GPC5: variants seen among roughly 807,000 people sequenced by gnomAD.
GPC5 encodes glypican-5.
A neutral mutation model predicts 53.9 loss-of-function variants in GPC5; 47 were observed. The observed-to-expected ratio is 0.87, with a 90% CI of 0.69 to 1.11. The LOEUF (loss-of-function observed/expected upper bound fraction) is 1.11. GPC5 is among the 50% of genes most tolerant of loss of function. GPC5 has a pLI of 0.00. For synonymous variants in GPC5, 286 were observed against 263.3 expected, an observed-to-expected ratio of 1.09 and a Z score of -0.84; for missense variants, 748 against 713.1, an observed-to-expected ratio of 1.05 and a Z score of -0.56.
chr13:92,008,580 G>C (rs1343013719), intron 6 of GPC5, among the ~76,000 whole-genome samples: 1 of 151,856 alleles, frequency 6.6e-6, no homozygotes, highest in African/African-American at 2.4e-5. Context: ...ATAAAGTTTA[G>C]CTGGATATAG....
chr13:92,628,260 C>CTTTTT (rs1286424637), intron 7 of GPC5, among the ~76,000 whole-genome samples: 11 of 37,562 alleles, frequency 2.9e-4, no homozygotes, highest in South Asian at 8.0e-4. Context: ...TTTTCTTTTT[C>CTTTTT]TTTCTTTTTT....
At chr13:91,457,269 G>A (rs1054137560) in intron 2 of GPC5, among the ~76,000 whole-genome samples, 1 of 151,580 alleles carries the variant, frequency 6.6e-6, no homozygotes, top group Non-Finnish European at 1.5e-5. Flanking sequence ...AGTATTTTGA[G>A]GTCTTATGGT....
intron 5 of GPC5, among the ~76,000 whole-genome samples, chr13:91,780,673 A>G (rs1185029557): frequency 1.3e-5 from 2 of 152,038 alleles, no homozygotes; most frequent in Non-Finnish European, 2.9e-5. Flanking sequence ...GTAAAGTTCA[A>G]CTCTGGGGTT....
chr13:91,592,390 G>A (rs1594302019), intron 2 of GPC5, among the ~76,000 whole-genome samples: 1 of 152,078 alleles, frequency 6.6e-6, no homozygotes, highest in African/African-American at 2.4e-5. Flanking sequence ...CCTTGTCAGA[G>A]CCCCCTGCAA....
rs1254533452 is a variant in GPC5, at chr13:91,628,949, AGAT to A, written c.326-64233_326-64231del. ...AATATACACTGGGATGCAGAGAGTTAGATGATGGGCTCAAGTGCATTTCTAGCA... is the reference window on the plus strand; with the variant it reads ...AATATACACTGGGATGCAGAGAGTTAGATGGGCTCAAGTGCATTTCTAGCA... On this transcript the variant is annotated intron_variant, in intron 2 of 7. Coordinates refer to ENST00000377067, the MANE Select transcript of GPC5 (RefSeq NM_004466.6). Among the ~76,000 whole-genome samples, 6 of 152,316 alleles carry A rather than the reference AGAT, an allele frequency of 3.9e-5. No homozygotes were observed. The East Asian group carries it at 1.2e-3, about 29-fold the overall frequency.
At chr13:92,761,659 G>C (rs1446431988) in intron 7 of GPC5, among the ~76,000 whole-genome samples, 2 of 152,084 alleles carry the variant, frequency 1.3e-5, no homozygotes, top group African/African-American at 4.8e-5. Flanking sequence ...TCTTATTTTA[G>C]TATTCATTCA....
intron 7 of GPC5, among the ~76,000 whole-genome samples, chr13:92,409,002 T>C (rs1875927273): frequency 6.6e-6 from 1 of 152,096 alleles, no homozygotes; most frequent in Non-Finnish European, 1.5e-5. Context: ...GTTTGTACAG[T>C]AAATGATGTT....
Position 92,363,491 on chromosome 13 carries a change from C to T in GPC5, c.1561+218502C>T, listed in dbSNP as rs565320444. 2.1e-4 allele frequency among the ~76,000 whole-genome samples: 32 copies of T among 151,806 alleles called. No individual in the cohort carries two copies. The South Asian group carries it at 6.0e-3, about 29-fold the overall frequency. On this transcript the variant is annotated intron_variant, in intron 7 of 7. Coordinates refer to ENST00000377067, the MANE Select transcript of GPC5 (RefSeq NM_004466.6). ...TAAGGAGTACACAACCTAGATCCCT[C>T]GCATGTACAGTTCACAATAGAGTTC...
chr13:91,622,024 A>G (rs2033874122), intron 2 of GPC5, among the ~76,000 whole-genome samples: 2 of 151,912 alleles, frequency 1.3e-5, no homozygotes, highest in African/African-American at 4.8e-5. Flanking sequence ...CAAGAGTAGG[A>G]AGCATCCAGC....
chr13:92,312,251 C>T (rs1189436815), intron 7 of GPC5, among the ~76,000 whole-genome samples: 1 of 152,084 alleles, frequency 6.6e-6, no homozygotes, highest in South Asian at 2.1e-4. Context: ...AGTTTCTTTT[C>T]ACTTTTCTCT....
intron 7 of GPC5, among the ~76,000 whole-genome samples, chr13:92,556,808 T>C (rs898313661): frequency 3.9e-5 from 6 of 151,992 alleles, no homozygotes; most frequent in African/African-American, 1.4e-4. Flanking sequence ...TCATCTTTCA[T>C]TGTATTTCAC....
chr13:92,766,188 C>T (rs1229048892), intron 7 of GPC5, among the ~76,000 whole-genome samples: 2 of 152,124 alleles, frequency 1.3e-5, no homozygotes, highest in Admixed American at 1.3e-4. Flanking sequence ...TGCACCAATG[C>T]TAAAGTTCCT....
At chr13:91,570,118 A>G (rs867297605) in intron 2 of GPC5, among the ~76,000 whole-genome samples, 3 of 152,230 alleles carry the variant, frequency 2.0e-5, no homozygotes, top group African/African-American at 7.2e-5. Flanking sequence ...TTGAAAATCT[A>G]TTGAACTATA....
intron 7 of GPC5, among the ~76,000 whole-genome samples, chr13:92,693,661 T>C (rs78600931): frequency 4.6e-5 from 7 of 152,226 alleles, no homozygotes; most frequent in Middle Eastern, 6.8e-3. Context: ...CAGTCATACA[T>C]GTTCGCAAAG....
At chr13:92,582,672 T>A (rs563321271) in intron 7 of GPC5, among the ~76,000 whole-genome samples, 1 of 152,288 alleles carries the variant, frequency 6.6e-6, no homozygotes, top group South Asian at 2.1e-4. Context: ...CTACAACTTC[T>A]TTCATCAATG....
chr13:92,047,212 G>C (rs985752182), intron 6 of GPC5, among the ~76,000 whole-genome samples: 17 of 152,106 alleles, frequency 1.1e-4, no homozygotes, highest in African/African-American at 4.1e-4. Context: ...CGGCAAGATG[G>C]TTTAGATCAT....
intron 3 of GPC5, among the ~76,000 whole-genome samples, chr13:91,705,724 A>G (rs2036086906): frequency 7.2e-6 from 1 of 138,876 alleles, no homozygotes; most frequent in Non-Finnish European, 1.6e-5. Flanking sequence ...AATGACATGT[A>G]GTTATAATTT....
chr13:91,531,638 G>A (rs1886350423), intron 2 of GPC5, among the ~76,000 whole-genome samples: 1 of 152,194 alleles, frequency 6.6e-6, no homozygotes. Flanking sequence ...TTTATACTCA[G>A]TTCTTATTCA....
At chr13:92,438,293 C>T (rs35817526) in intron 7 of GPC5, among the ~76,000 whole-genome samples, 3,613 of 151,884 alleles carry the variant, frequency 0.024, 74 homozygotes, top group Non-Finnish European at 0.034. Context: ...GAAAATCACA[C>T]GTAAGCTGTG....
Sources: allele counts gnomAD v4.1 joint callset (sites outside exome capture counted in the v4.1 genomes callset), GRCh38; gene constraint gnomAD v4.1.1; transcripts MANE v1.5; gene names NCBI Gene and HGNC (gene_info 2026-07-23, HGNC 2026-07-21).